Variants in PPP1R13B observed in about 807,000 individuals in gnomAD.
PPP1R13B encodes apoptosis-stimulating of p53 protein 1.
Under a neutral mutation model 119.8 loss-of-function variants are expected in PPP1R13B, and 44 were observed. That is an observed-to-expected ratio of 0.37 (90% CI 0.29 to 0.47). The LOEUF (loss-of-function observed/expected upper bound fraction) is 0.47. Among genes scored for constraint, PPP1R13B ranks in the 20% least tolerant of loss-of-function variants. PPP1R13B has a pLI of 0.99. For synonymous variants in PPP1R13B, 542 were observed against 561.5 expected, an observed-to-expected ratio of 0.97 and a Z score of 0.49; for missense variants, 1,227 against 1,413.5, an observed-to-expected ratio of 0.87 and a Z score of 2.12.
intron 1 of PPP1R13B, among the ~76,000 whole-genome samples, chr14:103,836,365 T>C (rs1359098182): frequency 1.3e-5 from 2 of 152,032 alleles, no homozygotes; most frequent in Non-Finnish European, 2.9e-5. Flanking sequence ...TTATTACATA[T>C]AGTAACAGAC....
At chr14:103,825,836 TTTTTC>T (rs1459664032) in intron 1 of PPP1R13B, among the ~76,000 whole-genome samples, 4 of 125,856 alleles carry the variant, frequency 3.2e-5, no homozygotes, top group South Asian at 2.4e-4. Flanking sequence ...AGACAGTGAT[TTTTTC>T]TTTTCTTTTT....
chr14:103,830,075 C>A (rs1367322817), intron 1 of PPP1R13B, among the ~76,000 whole-genome samples: 1 of 148,106 alleles, frequency 6.8e-6, no homozygotes, highest in African/African-American at 2.6e-5. Flanking sequence ...CCACGCCTGG[C>A]CTGTATTTTT....
rs777532494 is a variant in PPP1R13B at position 103,739,926 on chromosome 14, C to G, written c.2490G>C (p.Thr830=). 1 of 1,614,080 alleles carries G rather than the reference C, an allele frequency of 6.2e-7. No individual in the cohort carries two copies. Among genetic ancestry groups the G allele is most frequent in the South Asian group, 1.1e-5 (1 of 91,090 alleles). The change falls in exon 12 of 17, where the codon ACG becomes ACC. Residue 830 remains threonine, a synonymous_variant. Transcript: ENST00000202556. The stretch of plus-strand genomic sequence containing the variant: ...CAGCCACAGGACTCGGGATCTGCTC[C>G]GTGGTGGGGACCGTGGCCACGTTGT... The part of the protein sequence containing the change: ...NNNNVATVPT[T]EQIPSPVAEA...
In PPP1R13B at chr14:103,734,288, C is replaced by T. The variant is rs930793822; in HGVS notation, c.*866G>A. 1 of 334,788 alleles carries T rather than the reference C, an allele frequency of 3.0e-6. No individual in the cohort carries two copies. The highest frequency in any genetic ancestry group is 2.4e-5 in the South Asian group (1 of 42,550). 20.7% of individuals were successfully genotyped at this position (334,788 alleles called of 1,614,324 possible). ...TTCAGGCACCAAACAGCCCCGTCTA[C>T]CTGGCCCTGGTCTGCCCTCACACCA... On this transcript the variant is annotated 3_prime_UTR_variant, in exon 17 of 17. Coordinates refer to ENST00000202556, the MANE Select transcript of PPP1R13B (RefSeq NM_015316.3).
intron 1 of PPP1R13B, among the ~76,000 whole-genome samples, chr14:103,818,916 AAAG>A (rs763158257): frequency 6.6e-6 from 1 of 152,214 alleles, no homozygotes; most frequent in Non-Finnish European, 1.5e-5. Flanking sequence ...TTAAGCAGAC[AAAG>A]AAGACTGGGA....
In PPP1R13B at chr14:103,784,946, G is replaced by T. The variant is rs199926939; in HGVS notation, c.158-32C>A. ...AAAAGACCACATCTTTTTTACTCCA[G>T]AATTAAAATGACTCCAACCAAAAGT... On this transcript the variant is annotated intron_variant, in intron 2 of 16. Transcript: ENST00000202556. 1.9e-4 allele frequency: 289 copies of T among 1,518,744 alleles called. 1 individual carries two copies. The Middle Eastern group carries it at 3.5e-3, about 18-fold the overall frequency. 94.1% of individuals were successfully genotyped at this position (1,518,744 alleles called of 1,614,324 possible).
intron 1 of PPP1R13B, among the ~76,000 whole-genome samples, chr14:103,813,944 T>C (rs977172642): frequency 6.6e-6 from 1 of 152,212 alleles, no homozygotes; most frequent in African/African-American, 2.4e-5. Flanking sequence ...TGGTACTTAT[T>C]ATTACTCATT....
rs753392890 is a variant in PPP1R13B, at chr14:103,753,026, A to G, written c.802T>C (p.Leu268=). The G allele has an allele frequency of 6.2e-7, 1 of 1,613,908 alleles. No homozygotes were observed. The highest frequency in any genetic ancestry group is 1.7e-4 in the Middle Eastern group (1 of 6,060). Residue 268 remains leucine (L), a synonymous_variant, in exon 7 of 17, where the codon TTA becomes CTA. Transcript: ENST00000202556. ...TGTAGTTCTTGGTACAGTCTTTTTAACTCCACCGCCGCTGGTCCCGTCAAT... is the reference window on the plus strand; with the variant it reads ...TGTAGTTCTTGGTACAGTCTTTTTAGCTCCACCGCCGCTGGTCCCGTCAAT... ...GKLTGPAAVE[L]KRLYQELQIR...
Position 103,742,600 on chromosome 14 carries a change from A to G in PPP1R13B, c.1320+54T>C. 1 of 1,584,610 alleles carries G rather than the reference A, an allele frequency of 6.3e-7. No individual in the cohort carries two copies. The highest frequency in any genetic ancestry group is 8.6e-7 in the Non-Finnish European group (1 of 1,165,630). ...CCCTTTAGCTTAGTACTAAGGCAGAAGAGAGCCCTGTTGAAGAGCCCGCTT... is the reference window on the plus strand; with the variant it reads ...CCCTTTAGCTTAGTACTAAGGCAGAGGAGAGCCCTGTTGAAGAGCCCGCTT... On this transcript the variant is annotated intron_variant, in intron 10 of 16. Transcript: ENST00000202556. The surrounding 1 kb of genome is among the most constrained non-coding windows in gnomAD (Gnocchi z 4.9).
At chr14:103,803,558 C>A (rs1025177050) in intron 1 of PPP1R13B, among the ~76,000 whole-genome samples, 3 of 152,044 alleles carry the variant, frequency 2.0e-5, no homozygotes, top group Non-Finnish European at 4.4e-5. Flanking sequence ...CAGGAGAATG[C>A]TGTGAACCCG....
At chr14:103,824,505 C>A (rs1477279361) in intron 1 of PPP1R13B, among the ~76,000 whole-genome samples, 1 of 151,398 alleles carries the variant, frequency 6.6e-6, no homozygotes. Context: ...ACTAGCCTGG[C>A]CAATATGGTG....
chr14:103,843,548 G>A (rs1225189392), intron 1 of PPP1R13B, among the ~76,000 whole-genome samples: 1 of 151,910 alleles, frequency 6.6e-6, no homozygotes, highest in Admixed American at 6.6e-5. Flanking sequence ...TTTTTCCTGG[G>A]AAAACATTTT....
intron 4 of PPP1R13B, among the ~76,000 whole-genome samples, chr14:103,776,839 T>A (rs968387024): frequency 6.8e-6 from 1 of 148,022 alleles, no homozygotes; most frequent in Non-Finnish European, 1.5e-5. Flanking sequence ...GCCACTGCAC[T>A]CCAGCCTGGG....
At chr14:103,748,072 C>T (rs930683125) in intron 8 of PPP1R13B, among the ~76,000 whole-genome samples, 6 of 37,730 alleles carry the variant, frequency 1.6e-4, no homozygotes, top group Non-Finnish European at 2.1e-4. Context: ...CACATACACA[C>T]ACACACACAC....
chr14:103,801,470 A>G (rs2085899546), intron 1 of PPP1R13B, among the ~76,000 whole-genome samples: 1 of 152,118 alleles, frequency 6.6e-6, no homozygotes, highest in Admixed American at 6.6e-5. Context: ...CCCTCTGCCC[A>G]AGTACCCTTC....
chr14:103,807,670 A>G (rs1402784041), intron 1 of PPP1R13B, among the ~76,000 whole-genome samples: 3 of 151,930 alleles, frequency 2.0e-5, no homozygotes, highest in Non-Finnish European at 4.4e-5. Flanking sequence ...AATTTTTTGT[A>G]TTTTTAGAAG....
intron 1 of PPP1R13B, among the ~76,000 whole-genome samples, chr14:103,811,884 GTC>G (rs2086164516): frequency 6.6e-6 from 1 of 150,564 alleles, no homozygotes; most frequent in South Asian, 2.1e-4. Context: ...GTGAAACCCC[GTC>G]TCTACTAAAA....
Position 103,790,245 on chromosome 14 carries a change from C to CAAA in PPP1R13B, c.158-5334_158-5332dup, listed in dbSNP as rs571576912. 2.0e-3 allele frequency among the ~76,000 whole-genome samples: 249 copies of CAAA among 123,318 alleles called. 3 individuals carry two copies. The highest frequency in any genetic ancestry group is 0.017 in the East Asian group (70 of 4,134). The allele number at this position is 123,318 out of a possible 152,430, so 80.9% of individuals were successfully genotyped here. ...TGGGATACAGAGTGAGACCCTGTCT[C>CAAA]AAAAAAAAAAAAAAAGAAATGAAAA... On this transcript the variant is annotated intron_variant, in intron 2 of 16. Coordinates refer to ENST00000202556, the MANE Select transcript of PPP1R13B (RefSeq NM_015316.3).
At chr14:103,776,880 A>G (rs2085212718) in intron 4 of PPP1R13B, among the ~76,000 whole-genome samples, 1 of 151,996 alleles carries the variant, frequency 6.6e-6, no homozygotes. Context: ...TCAAAAAAAA[A>G]AAAAAGAAAC....
Sources: gnomAD v4.1 joint callset for allele counts (sites outside exome capture counted in the v4.1 genomes callset) on GRCh38, gnomAD v4.1.1 for gene constraint, Gnocchi (gnomAD v3.1) non-coding constraint, MANE v1.5 for transcripts, NCBI Gene and HGNC (gene_info 2026-07-23, HGNC 2026-07-21) for gene names.